The following F8 variants were observed in gnomAD, a reference collection of about 807,000 sequenced individuals.
F8 encodes the protein coagulation factor VIII, also known as antihemophilic factor.
A neutral mutation model predicts 140.6 loss-of-function variants in F8; 12 were observed. That is an observed-to-expected ratio of 0.09 (90% CI 0.05 to 0.14). F8 has a LOEUF of 0.14. Ranked by LOEUF, F8 falls within the 10% of genes least tolerant of loss-of-function variation. The pLI is 1.00. For synonymous variants in F8, 585 were observed against 614.6 expected (o/e 0.95, Z 0.71); for missense variants, 1,354 against 1,720.7 (o/e 0.79, Z 3.77).
Position 154,837,437 on chromosome X carries a change from C to T in F8, c.*160G>A, listed in dbSNP as rs1467918021. ...AATTGGATGCACCCTCCTGGCCCCC[C>T]ACCAAAGAAATGCAGGACTGATGAT... On this transcript the variant is annotated 3_prime_UTR_variant, in exon 26 of 26. Coordinates refer to ENST00000360256, the MANE Select transcript of F8 (RefSeq NM_000132.4). 1 of 579,205 alleles carries T rather than the reference C, an allele frequency of 1.7e-6. No individual in the cohort carries two copies. The allele number at this position is 579,205 out of a possible 1,213,427, so 47.7% of individuals were successfully genotyped here.
At chrX:154,945,579 T>C (rs1342724433) in intron 13 of F8, among the ~76,000 whole-genome samples, 1 of 112,026 alleles carries the variant, frequency 8.9e-6, no homozygotes, top group African/African-American at 3.2e-5. Flanking sequence ...AAACTGGGTA[T>C]AGAAAGCTTA....
intron 12 of F8, among the ~76,000 whole-genome samples, chrX:154,950,929 G>C (rs1202744512): frequency 1.8e-5 from 2 of 112,083 alleles, no homozygotes; most frequent in Non-Finnish European, 3.8e-5. Flanking sequence ...ATATAGTCTT[G>C]TTTGAATCTA....
intron 21 of F8, among the ~76,000 whole-genome samples, chrX:154,899,533 A>C (rs1383049154): frequency 6.2e-5 from 7 of 112,513 alleles, no homozygotes; most frequent in Non-Finnish European, 9.4e-5. Flanking sequence ...TTTATGTTAA[A>C]ATAAAGGGGA....
Position 154,949,681 on chromosome X carries a change from G to T in F8, c.1904-1774C>A, listed in dbSNP as rs184898891. On this transcript the variant is annotated intron_variant, in intron 12 of 25. Transcript: ENST00000360256. ...CTAAAATTCCAAGATCAAGGTATTG[G>T]CAGGTTTGGTTTTTACTGACACCTC... 2.1e-3 allele frequency among the ~76,000 whole-genome samples: 236 copies of T among 111,007 alleles called. 1 individual carries two copies. The highest frequency in any genetic ancestry group is 7.3e-3 in the African/African-American group (222 of 30,496).
chrX:154,893,943 G>T (rs1299137790), intron 22 of F8, among the ~76,000 whole-genome samples: 1 of 111,540 alleles, frequency 9.0e-6, no homozygotes, highest in Non-Finnish European at 1.9e-5. Flanking sequence ...GTCATCTATT[G>T]TCTCTAAGGG....
intron 13 of F8, among the ~76,000 whole-genome samples, chrX:154,943,268 C>A (rs1557280006): frequency 2.7e-5 from 3 of 111,588 alleles, no homozygotes; most frequent in East Asian, 2.8e-4. Flanking sequence ...TCTAGAAAAC[C>A]CCATTGTCTC....
At position 154,853,294 on chromosome X, in the gene F8, G is replaced by C. The variant is rs782598849; in HGVS notation, c.6900+7138C>G. On this transcript the variant is annotated intron_variant, in intron 25 of 25. Transcript: ENST00000360256. ...CATGTTGACTTTGTAACCTGCAATG[G>C]TTTTTTTCAACTGCCTAATAATGTT... 2.0e-4 allele frequency among the ~76,000 whole-genome samples: 22 copies of C among 110,097 alleles called. No homozygotes were observed. The South Asian group carries it at 7.3e-3, about 37-fold the overall frequency.
chrX:154,912,665 G>T (rs1557276844), intron 14 of F8, among the ~76,000 whole-genome samples: 1 of 111,821 alleles, frequency 8.9e-6, no homozygotes, highest in Admixed American at 9.5e-5. Flanking sequence ...CTTTGCTCAG[G>T]ACTGCTTTGG....
chrX:154,862,111 C>G (rs782178376), intron 23 of F8, among the ~76,000 whole-genome samples: 2 of 111,513 alleles, frequency 1.8e-5, no homozygotes, highest in African/African-American at 3.3e-5. Context: ...ACTGCAACCT[C>G]TGCCTCCCGA....
chrX:154,868,873 CA>C (rs782200506), intron 22 of F8, among the ~76,000 whole-genome samples: 34 of 97,321 alleles, frequency 3.5e-4, no homozygotes, highest in Admixed American at 4.4e-4. Context: ...AAATGGAAAG[CA>C]AAAAAAAAAG....
At chrX:154,876,033 A>T (rs781966188) in intron 22 of F8, among the ~76,000 whole-genome samples, 1 of 109,875 alleles carries the variant, frequency 9.1e-6, no homozygotes, top group Non-Finnish European at 1.9e-5. Flanking sequence ...AACACCTGGG[A>T]TTTTTTATCT....
intron 6 of F8, among the ~76,000 whole-genome samples, chrX:154,977,682 T>G (rs1442694480): frequency 9.1e-6 from 1 of 109,986 alleles, no homozygotes; most frequent in Non-Finnish European, 1.9e-5. Context: ...TCTCTTGCTA[T>G]TTTTAAATTT....
intron 1 of F8, 108 bp downstream of exon 1, chrX:155,022,302 C>A: frequency 1.2e-6 from 1 of 827,275 alleles, no homozygotes. Flanking sequence ...TTCTTTGGGG[C>A]CCAGGTAGCA....
rs1557278802 is a variant in F8 at position 154,931,202 on chromosome X, C to G, written c.2588G>C (p.Ser863Thr). Residue 863 changes from serine to threonine, a missense_variant, in exon 14 of 26, where the codon AGT becomes ACT. Transcript: ENST00000360256. Reference protein sequence around the residue: ...MTHFRPQLHHSGDMVFTPESG... With the variant: ...MTHFRPQLHHTGDMVFTPESG... ...CTCAGGGGTAAATACCATGTCCCCA[C>G]TGTGATGGAGCTGTGGCCTGAAGTG... 4 of 1,210,823 alleles carry G rather than the reference C, an allele frequency of 3.3e-6. No homozygotes were observed. In the South Asian group the frequency reaches 7.0e-5, roughly 21 times the overall value.
chrX:154,999,752 G>T, intron 1 of F8, 152 bp from the exon 2 acceptor site: 1 of 619,714 alleles, frequency 1.6e-6, no homozygotes, highest in Non-Finnish European at 2.5e-6. Context: ...CCGAAACACT[G>T]TTTTCACAAC....
intron 9 of F8, among the ~76,000 whole-genome samples, chrX:154,962,887 C>G (rs1267241435): frequency 1.1e-5 from 1 of 95,064 alleles, no homozygotes; most frequent in Non-Finnish European, 2.0e-5. Context: ...GAGAGAGAGA[C>G]AGAGACGAGA....
intron 13 of F8, among the ~76,000 whole-genome samples, chrX:154,938,009 T>C (rs782069673): frequency 8.9e-6 from 1 of 111,996 alleles, no homozygotes; most frequent in South Asian, 3.7e-4. Flanking sequence ...AGATAGTATG[T>C]TACTGGTACA....
chrX:154,919,648 A>G, intron 14 of F8: 1 of 588,888 alleles, frequency 1.7e-6, no homozygotes. Flanking sequence ...TTTTGACTTC[A>G]TCCTTTGGAT....
rs1242940915 is a variant in F8, at chrX:154,995,401, G to A, written c.388+1572C>T. 3.6e-5 allele frequency among the ~76,000 whole-genome samples: 4 copies of A among 111,891 alleles called. No individual in the cohort carries two copies. In the South Asian group the frequency reaches 1.1e-3, roughly 31 times the overall value. On this transcript the variant is annotated intron_variant, in intron 3 of 25. Coordinates refer to ENST00000360256, the MANE Select transcript of F8 (RefSeq NM_000132.4). ...GTGAGATACCATTCAGTGTGATTGC[G>A]TGATTTTTATTTCAGCTATGTCCAT...
Sources: gnomAD v4.1 joint callset for allele counts (sites outside exome capture counted in the v4.1 genomes callset) on GRCh38, gnomAD v4.1.1 for gene constraint, MANE v1.5 for transcripts, NCBI Gene and HGNC (gene_info 2026-07-23, HGNC 2026-07-21) for gene names.